The following JPH1 variants were observed in gnomAD, a reference collection of about 807,000 sequenced individuals.
The protein encoded by JPH1 is junctophilin 1.
JPH1 carries 12 observed loss-of-function variants against 53.6 expected under a neutral mutation model. That is an observed-to-expected ratio of 0.22 (90% CI 0.14 to 0.36). The LOEUF is 0.36. JPH1 is among the 10% of genes least tolerant of loss of function. JPH1 has a pLI of 1.00. For synonymous variants in JPH1, 375 were observed against 363.8 expected, an observed-to-expected ratio of 1.03 and a Z score of -0.35; for missense variants, 808 against 905.5, an observed-to-expected ratio of 0.89 and a Z score of 1.38.
rs140432891 is a variant in JPH1, at chr8:74,320,911, C to G, written c.377G>C (p.Gly126Ala). Reference protein sequence around the residue: ...DGYGVETYGDGGTYQGQWAGG... With the variant: ...DGYGVETYGDAGTYQGQWAGG... ...GAGCCGCCCGTTACGCCGCTCACCT[C>G]CGTCCCCGTAGGTCTCCACGCCGTA... Residue 126 changes from glycine to alanine, a missense_variant and splice_region_variant, in exon 1 of 6, where the codon GGA (glycine) becomes GCA (alanine). By Grantham distance (60) the Gly-to-Ala change is moderately conservative. Coordinates refer to ENST00000342232, the MANE Select transcript of JPH1 (RefSeq NM_020647.4). This position sits in a 1 kb window ranked among gnomAD's most constrained non-coding sequence, Gnocchi z 4.4. 1.2e-4 allele frequency: 187 copies of G among 1,550,576 alleles called. No individual in the cohort carries two copies. The highest frequency in any genetic ancestry group is 2.2e-4 in the Admixed American group (12 of 53,570).
rs568078834 is a variant in JPH1, at chr8:74,311,589, A to G, written c.1139+3272T>C. Among the ~76,000 whole-genome samples the G allele has an allele frequency of 3.3e-5, 5 of 152,080 alleles. 1 individual carries two copies. Among genetic ancestry groups the G allele is most frequent in the African/African-American group, 1.2e-4 (5 of 41,504 alleles). On this transcript the variant is annotated intron_variant, in intron 2 of 5. Coordinates refer to ENST00000342232, the MANE Select transcript of JPH1 (RefSeq NM_020647.4). Reference sequence around the variant, plus strand: ...CACAATGTGCAGGTTAGTTACATACATATACATGTGCCATGCTGGTGTGCT... The same window carrying G: ...CACAATGTGCAGGTTAGTTACATACGTATACATGTGCCATGCTGGTGTGCT...
chr8:74,282,109 A>G (rs1050263694), intron 2 of JPH1, among the ~76,000 whole-genome samples: 3 of 152,144 alleles, frequency 2.0e-5, no homozygotes, highest in African/African-American at 7.2e-5. Context: ...TCAGTATCCT[A>G]AAGTTATTGA....
intron 2 of JPH1, among the ~76,000 whole-genome samples, chr8:74,290,703 A>G (rs1189518254): frequency 6.6e-6 from 1 of 152,236 alleles, no homozygotes; most frequent in East Asian, 1.9e-4. Flanking sequence ...ACAAAGCTGG[A>G]GGCATCACGC....
At chr8:74,263,326 T>C (rs1243586666) in intron 2 of JPH1, among the ~76,000 whole-genome samples, 1 of 152,254 alleles carries the variant, frequency 6.6e-6, no homozygotes, top group Non-Finnish European at 1.5e-5. Context: ...ATCTGTGACA[T>C]ATTAAGTGTA....
Position 74,297,852 on chromosome 8 carries a change from C to T in JPH1, c.1139+17009G>A, listed in dbSNP as rs1353770167. ...ATAGTGTGATGACTACTCTTATTAC[C>T]CCTTAAATAAAAAGTACTTGCTAAT... On this transcript the variant is annotated intron_variant, in intron 2 of 5. Transcript: ENST00000342232. Among the ~76,000 whole-genome samples the T allele has an allele frequency of 2.6e-5, 4 of 151,910 alleles. 1 individual carries two copies. The highest frequency in any genetic ancestry group is 1.3e-4 in the Admixed American group (2 of 15,260).
At chr8:74,238,213 T>TGGTACTCC (rs1240072343) in intron 4 of JPH1, among the ~76,000 whole-genome samples, 1 of 152,190 alleles carries the variant, frequency 6.6e-6, no homozygotes, top group African/African-American at 2.4e-5. Flanking sequence ...GAGGAAACAG[T>TGGTACTCC]GGTACTCCAT....
At chr8:74,303,547 C>T (rs1330754199) in intron 2 of JPH1, among the ~76,000 whole-genome samples, 1 of 152,160 alleles carries the variant, frequency 6.6e-6, no homozygotes, top group East Asian at 1.9e-4. Context: ...CTTAGCCCAA[C>T]ACATAGGCTA....
intron 2 of JPH1, among the ~76,000 whole-genome samples, chr8:74,289,701 T>C (rs76162748): frequency 0.073 from 11,043 of 152,254 alleles, 504 homozygotes; most frequent in African/African-American, 0.13. Flanking sequence ...ACTTAGCACT[T>C]AAAATGTTCT....
intron 2 of JPH1, among the ~76,000 whole-genome samples, chr8:74,295,426 T>C (rs2131438906): frequency 6.6e-6 from 1 of 152,342 alleles, no homozygotes; most frequent in Non-Finnish European, 1.5e-5. Flanking sequence ...ACGAACACTG[T>C]CTTTTCACAA....
intron 4 of JPH1, among the ~76,000 whole-genome samples, chr8:74,239,827 A>C (rs1220042719): frequency 1.3e-5 from 2 of 152,206 alleles, no homozygotes; most frequent in East Asian, 1.9e-4. Flanking sequence ...GAGATTTAAA[A>C]AATTTTTAAT....
At chr8:74,247,214 T>G (rs1805884790) in intron 3 of JPH1, among the ~76,000 whole-genome samples, 1 of 152,212 alleles carries the variant, frequency 6.6e-6, no homozygotes, top group Non-Finnish European at 1.5e-5. Context: ...TAATACATCT[T>G]GATGCAGTGT....
In JPH1 at chr8:74,236,355, G is replaced by T. The variant is rs1806996539; in HGVS notation, c.*696C>A. 1 of 152,330 alleles carries T rather than the reference G, an allele frequency of 6.6e-6. No individual in the cohort carries two copies. The highest frequency in any genetic ancestry group is 2.4e-5 in the African/African-American group (1 of 41,434). The allele number at this position is 152,330 out of a possible 1,614,324, so 9.4% of individuals were successfully genotyped here. On this transcript the variant is annotated 3_prime_UTR_variant, in exon 6 of 6. Transcript: ENST00000342232. ...GCAACACGTGTGTTTCGTCCGGCCA[G>T]GACCGCAGGTGGTAGATGACTATAC...
intron 3 of JPH1, among the ~76,000 whole-genome samples, chr8:74,254,972 A>G (rs1230405235): frequency 6.6e-6 from 1 of 152,208 alleles, no homozygotes; most frequent in African/African-American, 2.4e-5. Flanking sequence ...ATACTGCCCA[A>G]GGTAATTTAT....
At chr8:74,242,856 G>A (rs991243806) in intron 4 of JPH1, among the ~76,000 whole-genome samples, 11 of 152,198 alleles carry the variant, frequency 7.2e-5, no homozygotes, top group African/African-American at 2.7e-4. Context: ...TGAGAATTCC[G>A]CAAATAAGTA....
chr8:74,298,518 C>T (rs545963396), intron 2 of JPH1, among the ~76,000 whole-genome samples: 11 of 152,244 alleles, frequency 7.2e-5, no homozygotes, highest in South Asian at 6.2e-4. Context: ...CACTCTGAAA[C>T]GGTTTCCACT....
At chr8:74,287,938 G>A (rs1250034946) in intron 2 of JPH1, among the ~76,000 whole-genome samples, 3 of 151,402 alleles carry the variant, frequency 2.0e-5, no homozygotes, top group Non-Finnish European at 4.4e-5. Context: ...ATACAAATAT[G>A]TACTTGTTTT....
chr8:74,320,502 A>G lies in JPH1; in HGVS notation c.379+407T>C, dbSNP rs1401269434. On this transcript the variant is annotated intron_variant, in intron 1 of 5. Coordinates refer to ENST00000342232, the MANE Select transcript of JPH1 (RefSeq NM_020647.4). This position sits in a 1 kb window ranked among gnomAD's most constrained non-coding sequence, Gnocchi z 4.4. The stretch of plus-strand genomic sequence containing the variant: ...CGCTCAGGGTGTTCGCTCTAACTCC[A>G]CGGGAGTGGCGATTTCAAACCCGGC... Among the ~76,000 whole-genome samples, 2 of 152,086 alleles carry G rather than the reference A, an allele frequency of 1.3e-5. No homozygotes were observed. The highest frequency in any genetic ancestry group is 2.9e-5 in the Non-Finnish European group (2 of 67,986).
chr8:74,320,657 C>A lies in JPH1; in HGVS notation c.379+252G>T, dbSNP rs1808287959. Among the ~76,000 whole-genome samples the A allele has an allele frequency of 6.6e-6, 1 of 152,182 alleles. No homozygotes were observed. Among genetic ancestry groups the A allele is most frequent in the African/African-American group, 2.4e-5 (1 of 41,458 alleles). ...CGCTGGCGCCGGCCAGGTACATTCA[C>A]GCCTAGCTCCCCTGAGTGTGGATAC... On this transcript the variant is annotated intron_variant, in intron 1 of 5. Coordinates refer to ENST00000342232, the MANE Select transcript of JPH1 (RefSeq NM_020647.4). This position sits in a 1 kb window ranked among gnomAD's most constrained non-coding sequence, Gnocchi z 4.4.
chr8:74,299,986 G>A lies in JPH1; in HGVS notation c.1139+14875C>T, dbSNP rs147348429. 2.4e-4 allele frequency among the ~76,000 whole-genome samples: 36 copies of A among 152,242 alleles called. No individual in the cohort carries two copies. The East Asian group carries it at 3.5e-3, about 15-fold the overall frequency. The stretch of plus-strand genomic sequence containing the variant: ...AGAAAACCTTCAATATGTTCTTCTC[G>A]CCCTCGTTTTCACTTACGGAATTAA... On this transcript the variant is annotated intron_variant, in intron 2 of 5. Transcript: ENST00000342232.
Sources: gnomAD v4.1 joint callset for allele counts (sites outside exome capture counted in the v4.1 genomes callset) on GRCh38, gnomAD v4.1.1 for gene constraint, Gnocchi (gnomAD v3.1) non-coding constraint, MANE v1.5 for transcripts, NCBI Gene and HGNC (gene_info 2026-07-23, HGNC 2026-07-21) for gene names.